The following BTRC variants were observed in gnomAD, a reference collection of about 807,000 sequenced individuals.
BTRC encodes the protein beta-transducin repeat containing E3 ubiquitin protein ligase, also known as F-box/WD repeat-containing protein 1A.
BTRC carries 42 observed loss-of-function variants against 85.5 expected under a neutral mutation model. The ratio of observed to expected loss-of-function variants is 0.49; its 90% confidence interval spans 0.38 to 0.64. BTRC has a LOEUF of 0.64. Among genes scored for constraint, BTRC ranks in the 30% least tolerant of loss-of-function variants. The probability of loss-of-function intolerance (pLI) is 0.00; values close to 1 mark genes in which losing one functional copy is unlikely to be tolerated. For synonymous variants in BTRC, 255 were observed against 263.3 expected (o/e 0.97, Z 0.30); for missense variants, 594 against 743.5 (o/e 0.80, Z 2.34).
At chr10:101,455,468 A>G (rs1945051815) in intron 2 of BTRC, among the ~76,000 whole-genome samples, 1 of 152,190 alleles carries the variant, frequency 6.6e-6, no homozygotes, top group East Asian at 1.9e-4. Context: ...AAAGAGATAT[A>G]AAGAATTAAG....
At chr10:101,382,339 A>G (rs772279871) in intron 1 of BTRC, among the ~76,000 whole-genome samples, 3 of 152,046 alleles carry the variant, frequency 2.0e-5, no homozygotes, top group African/African-American at 4.8e-5. Context: ...ATCATGTTAT[A>G]TATAATATCT....
At chr10:101,362,520 C>A (rs563324056) in intron 1 of BTRC, among the ~76,000 whole-genome samples, 1 of 152,014 alleles carries the variant, frequency 6.6e-6, no homozygotes, top group South Asian at 2.1e-4. Flanking sequence ...CTCAGCCTCC[C>A]GAGTAGCTGG....
At chr10:101,522,114 C>T (rs2062116424) in intron 5 of BTRC, among the ~76,000 whole-genome samples, 1 of 134,400 alleles carries the variant, frequency 7.4e-6, no homozygotes, top group African/African-American at 2.8e-5. Context: ...CTCACTGCAA[C>T]ACTGCAAGCT....
At chr10:101,473,420 A>G (rs1945589879) in intron 3 of BTRC, among the ~76,000 whole-genome samples, 1 of 149,218 alleles carries the variant, frequency 6.7e-6, no homozygotes, top group South Asian at 2.1e-4. Context: ...AGTAGCTGGG[A>G]CTACAGGTGT....
At chr10:101,367,153 G>A (rs1256734623) in intron 1 of BTRC, among the ~76,000 whole-genome samples, 2 of 140,248 alleles carry the variant, frequency 1.4e-5, no homozygotes, top group Non-Finnish European at 3.0e-5. Flanking sequence ...TCACTGCATC[G>A]TCTGCCTCCC....
chr10:101,486,649 A>G (rs1366799584), intron 4 of BTRC, among the ~76,000 whole-genome samples: 2 of 152,156 alleles, frequency 1.3e-5, no homozygotes, highest in South Asian at 2.1e-4. Flanking sequence ...TTATACCTTC[A>G]TCTCCAGCCC....
chr10:101,415,055 G>A lies in BTRC; in HGVS notation c.49-15290G>A, dbSNP rs562449946. ...TAACCATTATAAAGTCTATAGTAGT[G>A]TACAATAATGTCCTAGACCTTCACG... On this transcript the variant is annotated intron_variant, in intron 1 of 14. Transcript: ENST00000370187. 8.3e-4 allele frequency among the ~76,000 whole-genome samples: 127 copies of A among 152,200 alleles called. 2 individuals are homozygous for A. Among genetic ancestry groups the A allele is most frequent in the African/African-American group, 3.0e-3 (125 of 41,532 alleles).
intron 3 of BTRC, among the ~76,000 whole-genome samples, chr10:101,473,465 CTTTTTTTTTT>C (rs869163139): frequency 1.4e-4 from 14 of 96,750 alleles, no homozygotes; most frequent in African/African-American, 5.3e-4. Context: ...TCTTTTTTCT[CTTTTTTTTTT>C]TTTTTTTTTT....
intron 1 of BTRC, among the ~76,000 whole-genome samples, chr10:101,376,516 T>C (rs1431506598): frequency 1.3e-5 from 2 of 152,132 alleles, no homozygotes; most frequent in African/African-American, 4.8e-5. Flanking sequence ...AGAAGAGGTA[T>C]ATCTAGTGGA....
rs949207085 is a variant in BTRC at position 101,430,394 on chromosome 10, G to T, written c.98G>T (p.Ser33Ile). Residue 33 changes from serine to isoleucine, a missense_variant, in exon 2 of 15, where the codon AGC (serine) becomes ATC (isoleucine). Transcript: ENST00000370187. ...LWLGCSSLAD[S>I]MPSLRCLYNP... ...CTGGGCTGCTCCAGCCTGGCGGACA[G>T]CATGCCTTCGCTGCGATGCCTGTAT... The T allele has an allele frequency of 1.2e-6, 2 of 1,613,992 alleles. No individual in the cohort carries two copies. Among genetic ancestry groups the T allele is most frequent in the African/African-American group, 1.3e-5 (1 of 74,942 alleles).
chr10:101,510,529 A>AG (rs398040309), intron 4 of BTRC, among the ~76,000 whole-genome samples: 2 of 151,702 alleles, frequency 1.3e-5, no homozygotes, highest in Non-Finnish European at 2.9e-5. Flanking sequence ...CAAAAAAAAA[A>AG]GTCGTTGTTA....
intron 12 of BTRC, among the ~76,000 whole-genome samples, chr10:101,537,308 A>G (rs1280457890): frequency 6.6e-6 from 1 of 152,206 alleles, no homozygotes; most frequent in Non-Finnish European, 1.5e-5. Flanking sequence ...CAGGTGGATC[A>G]TTTGAGGTCA....
chr10:101,451,338 A>C (rs1311721397), intron 2 of BTRC, among the ~76,000 whole-genome samples: 1 of 151,758 alleles, frequency 6.6e-6, no homozygotes, highest in African/African-American at 2.4e-5. Flanking sequence ...GATTTTTCTC[A>C]TTCTTATTTT....
In BTRC at chr10:101,375,319, C is replaced by T. The variant is rs147203954; in HGVS notation, c.48+21091C>T. 1.9e-3 allele frequency among the ~76,000 whole-genome samples: 285 copies of T among 152,182 alleles called. 2 individuals are homozygous for T. Among genetic ancestry groups the T allele is most frequent in the African/African-American group, 6.7e-3 (278 of 41,494 alleles). Reference sequence around the variant, plus strand: ...TCCTGCTTCGGCCATATAAGATGCACCTGCTTCCCCTTTGCCTTCTCCCGT... The same window carrying T: ...TCCTGCTTCGGCCATATAAGATGCATCTGCTTCCCCTTTGCCTTCTCCCGT... On this transcript the variant is annotated intron_variant, in intron 1 of 14. Transcript: ENST00000370187.
At chr10:101,473,115 A>G (rs894303062) in intron 3 of BTRC, among the ~76,000 whole-genome samples, 2 of 149,986 alleles carry the variant, frequency 1.3e-5, no homozygotes, top group Non-Finnish European at 2.9e-5. Flanking sequence ...GAATTGTCCC[A>G]CACAGTGACT....
At chr10:101,506,044 G>T (rs966775638) in intron 4 of BTRC, among the ~76,000 whole-genome samples, 1 of 151,870 alleles carries the variant, frequency 6.6e-6, no homozygotes, top group African/African-American at 2.4e-5. Context: ...CCTCCCATTA[G>T]CTGGGACTAC....
At chr10:101,442,288 C>G (rs866275474) in intron 2 of BTRC, among the ~76,000 whole-genome samples, 6 of 99,274 alleles carry the variant, frequency 6.0e-5, no homozygotes, top group Admixed American at 4.9e-4. Flanking sequence ...CTCTCTGTCT[C>G]TGTGTGTATG....
intron 13 of BTRC, among the ~76,000 whole-genome samples, chr10:101,543,152 A>G (rs1188537999): frequency 6.6e-6 from 1 of 152,234 alleles, no homozygotes; most frequent in African/African-American, 2.4e-5. Flanking sequence ...TGTTGGGATT[A>G]CAGGCGTGAG....
At chr10:101,463,331 A>G (rs917415814) in intron 3 of BTRC, among the ~76,000 whole-genome samples, 5 of 151,878 alleles carry the variant, frequency 3.3e-5, no homozygotes, top group East Asian at 1.9e-4. Context: ...GGCATGAGCC[A>G]CTGTTCCCGA....
Sources: allele counts gnomAD v4.1 joint callset (sites outside exome capture counted in the v4.1 genomes callset), GRCh38; gene constraint gnomAD v4.1.1; transcripts MANE v1.5; gene names NCBI Gene and HGNC (gene_info 2026-07-23, HGNC 2026-07-21).